AZIN2: variants seen among roughly 807,000 people sequenced by gnomAD.
The protein encoded by AZIN2 is antizyme inhibitor 2, also known as ODC antizyme inhibitor-2.
In AZIN2, 28 loss-of-function variants were observed where a neutral mutation model predicts 47.8. The ratio of observed to expected loss-of-function variants is 0.59; its 90% CI spans 0.43 to 0.80. AZIN2 has a LOEUF of 0.80. Ranked by LOEUF, AZIN2 falls within the 30% of genes least tolerant of loss-of-function variation. AZIN2 has a pLI of 0.00. For missense variants in AZIN2, 535 were observed against 582.5 expected (o/e 0.92, Z 0.84); for synonymous variants, 221 against 239.4 (o/e 0.92, Z 0.71).
intron 4 of AZIN2, chr1:33,083,725 A>T (rs1046723971): frequency 1.9e-5 from 11 of 572,236 alleles, no homozygotes; most frequent in Non-Finnish European, 2.8e-5. Flanking sequence ...CTACAGCTGG[A>T]GTTTTAGCCG....
chr1:33,118,139 TGGG>T (rs751538339), intron 11 of AZIN2, 23 bp downstream of exon 11: 7 of 1,502,724 alleles, frequency 4.7e-6, no homozygotes, highest in Non-Finnish European at 6.2e-6. Context: ...TGCTGGAAAA[TGGG>T]GGTATGGGGA....
At chr1:33,165,169 A>T in the AZIN2 span, 17 of 261,410 alleles carry the variant, frequency 6.5e-5, no homozygotes, top group South Asian at 2.3e-4. This position sits in a 1 kb window ranked among gnomAD's most constrained non-coding sequence, Gnocchi z 4.0. Flanking sequence ...GGGTTTCCGG[A>T]GGGTCCCGGG....
At chr1:33,147,355 C>A in the AZIN2 span, 1 of 1,614,200 alleles carries the variant, frequency 6.2e-7, no homozygotes. The surrounding 1 kb of genome is among the most constrained non-coding windows in gnomAD (Gnocchi z 8.1). Flanking sequence ...CAGGAAGACA[C>A]CCACCTTGTC....
chr1:33,139,609 T>C, the AZIN2 span, among the ~76,000 whole-genome samples: 1 of 152,244 alleles, frequency 6.6e-6, no homozygotes, highest in Non-Finnish European at 1.5e-5. Context: ...GCCAAAAATA[T>C]GCTTATCATT....
intron 5 of AZIN2, 34 bp from the exon 6 acceptor site, chr1:33,092,016 G>A (rs1039487849): frequency 2.5e-6 from 4 of 1,602,266 alleles, no homozygotes; most frequent in Middle Eastern, 3.3e-4. Flanking sequence ...GCAGGCCCTG[G>A]TGCCTCCTTA....
the AZIN2 span, among the ~76,000 whole-genome samples, chr1:33,136,568 C>T: frequency 6.6e-5 from 10 of 151,182 alleles, no homozygotes; most frequent in Non-Finnish European, 1.0e-4. Context: ...CAGGGTTTCG[C>T]CATGTTGGGC....
downstream of AZIN2, among the ~76,000 whole-genome samples, chr1:33,128,203 CA>C (rs34284839): frequency 0.073 from 6,113 of 83,662 alleles, 376 homozygotes; most frequent in African/African-American, 0.21. Context: ...CCCACCTCTC[CA>C]AAAAAAAAAA....
intron 10 of AZIN2, among the ~76,000 whole-genome samples, chr1:33,100,768 G>A (rs1325748575): frequency 6.6e-6 from 1 of 152,142 alleles, no homozygotes; most frequent in African/African-American, 2.4e-5. Flanking sequence ...TCGGTGTTGA[G>A]CTATCCCCAA....
intron 5 of AZIN2, among the ~76,000 whole-genome samples, chr1:33,086,102 G>A (rs985061366): frequency 7.2e-5 from 11 of 152,288 alleles, no homozygotes; most frequent in East Asian, 3.9e-4. Flanking sequence ...TGATGACAGC[G>A]GGGACTGGAG....
intron 8 of AZIN2, among the ~76,000 whole-genome samples, chr1:33,095,178 C>G (rs1643011837): frequency 6.6e-6 from 1 of 152,226 alleles, no homozygotes; most frequent in African/African-American, 2.4e-5. Context: ...GCAGTTCCCA[C>G]TCCAACCACT....
chr1:33,124,734 T>C (rs185952703), downstream of AZIN2, among the ~76,000 whole-genome samples: 260 of 152,082 alleles, frequency 1.7e-3, no homozygotes, highest in African/African-American at 6.1e-3. The surrounding 1 kb of genome is among the most constrained non-coding windows in gnomAD (Gnocchi z 4.6). Context: ...AGTGCTCTCA[T>C]TGTTCAATTC....
intron 10 of AZIN2, among the ~76,000 whole-genome samples, chr1:33,106,575 G>A (rs923501590): frequency 1.3e-5 from 2 of 151,882 alleles, no homozygotes; most frequent in African/African-American, 4.8e-5. Context: ...CTTTTAAAGT[G>A]GAATTTATCC....
the AZIN2 span, chr1:33,147,188 C>T: frequency 4.5e-3 from 7,258 of 1,613,478 alleles, 264 homozygotes; most frequent in African/African-American, 0.081. This position sits in a 1 kb window ranked among gnomAD's most constrained non-coding sequence, Gnocchi z 8.1. Context: ...TAGATGCGGA[C>T]GGTGTTGATC....
At chr1:33,154,717 G>C in the AZIN2 span, among the ~76,000 whole-genome samples, 7 of 151,390 alleles carry the variant, frequency 4.6e-5, no homozygotes, top group Non-Finnish European at 8.8e-5. Flanking sequence ...AAAATCGCCT[G>C]AACCCAGGAG....
At chr1:33,149,240 C>T in the AZIN2 span, among the ~76,000 whole-genome samples, 1 of 152,340 alleles carries the variant, frequency 6.6e-6, no homozygotes. Context: ...GCAACCTCCA[C>T]CTCCCAGGTT....
In AZIN2 at chr1:33,093,390, G is replaced by A; in HGVS notation, c.561G>A (p.Lys187=). 1 of 1,614,046 alleles carries A rather than the reference G, an allele frequency of 6.2e-7. No homozygotes were observed. Among genetic ancestry groups the A allele is most frequent in the South Asian group, 1.1e-5 (1 of 91,080 alleles). ...SCRHLLENAK[K]HHVEVVGVSF... The stretch of plus-strand genomic sequence containing the variant: ...GACACCTGCTTGAAAATGCGAAGAA[G>A]CACCATGTGGAGGTGGTGGGTGTGA... Residue 187 remains lysine, a synonymous_variant, in exon 7 of 12, where the codon AAG becomes AAA. Coordinates refer to ENST00000294517, the MANE Select transcript of AZIN2 (RefSeq NM_052998.4).
the AZIN2 span, chr1:33,145,294 T>C: frequency 2.0e-5 from 3 of 152,468 alleles, no homozygotes. Flanking sequence ...CATAATACCA[T>C]TTACCCAGCC....
chr1:33,082,167 T>C lies in AZIN2; in HGVS notation c.-72-11T>C, dbSNP rs1871322. 0.28 allele frequency: 322,744 copies of C among 1,153,196 alleles called. 46,226 individuals are homozygous for C. The highest frequency in any genetic ancestry group is 0.35 in the Admixed American group (18,017 of 51,304). The allele number at this position is 1,153,196 out of a possible 1,614,324, so 71.4% of individuals were successfully genotyped here. A position where few individuals can be genotyped will look rare whatever the true frequency, so the allele number is the denominator to read the frequency against. ...CCCCAGCGGTTCCCTTCATCTCCCC[T>C]CGCCCCGCAGTGTGTTGCATACTTT... On this transcript the variant is annotated splice_polypyrimidine_tract_variant and intron_variant, in intron 3 of 11. Coordinates refer to ENST00000294517, the MANE Select transcript of AZIN2 (RefSeq NM_052998.4).
At chr1:33,087,386 G>C (rs1455606137) in intron 5 of AZIN2, among the ~76,000 whole-genome samples, 1 of 151,772 alleles carries the variant, frequency 6.6e-6, no homozygotes, top group Non-Finnish European at 1.5e-5. Context: ...ACCCGCCTCG[G>C]CCTCCCAAAG....
Sources: gnomAD v4.1 joint callset for allele counts (sites outside exome capture counted in the v4.1 genomes callset) on GRCh38, gnomAD v4.1.1 for gene constraint, Gnocchi (gnomAD v3.1) non-coding constraint, MANE v1.5 for transcripts, NCBI Gene and HGNC (gene_info 2026-07-23, HGNC 2026-07-21) for gene names.